USP50: variants seen among roughly 807,000 people sequenced by gnomAD.
The protein encoded by USP50 is ubiquitin specific peptidase 50.
In USP50, 37 loss-of-function variants were observed where a neutral mutation model predicts 39.2. That is an observed-to-expected ratio of 0.94 (90% CI 0.73 to 1.24). The LOEUF is 1.24. Ranked by LOEUF, USP50 falls within the 50% of genes most tolerant of loss-of-function variation. USP50 has a pLI of 0.00. For missense variants in USP50, 374 were observed against 398.2 expected, an observed-to-expected ratio of 0.94 and a Z score of 0.52; for synonymous variants, 139 against 144.5, an observed-to-expected ratio of 0.96 and a Z score of 0.27.
rs9989268 is a variant in USP50 at position 50,536,031 on chromosome 15, A to C, written c.803+2678T>G. ...ATAATCTACAGTAACATCATACTTA[A>C]TGGTGAGTAACTAGAAGCTTTCCCA... On this transcript the variant is annotated intron_variant, in intron 5 of 6. Transcript: ENST00000532404. Among the ~76,000 whole-genome samples the C allele has an allele frequency of 4.6e-3, 708 of 152,350 alleles. 4 individuals are homozygous for C. The highest frequency in any genetic ancestry group is 0.017 in the African/African-American group (688 of 41,578).
intron 4 of USP50, 47 bp downstream of exon 4, chr15:50,541,002 G>T: frequency 6.9e-7 from 1 of 1,451,928 alleles, no homozygotes; most frequent in Non-Finnish European, 9.6e-7. Flanking sequence ...AAAATCCGGG[G>T]CTGAGAGTAT....
At chr15:50,502,335 T>G (rs539689714) in intron 6 of USP50, 1 of 152,190 alleles carries the variant, frequency 6.6e-6, no homozygotes, top group Non-Finnish European at 1.5e-5. Context: ...GGTCTCGATC[T>G]CGACCTCGGG....
At chr15:50,530,005 TA>T in intron 5 of USP50, 76 bp from the exon 6 acceptor site, 1 of 1,577,944 alleles carries the variant, frequency 6.3e-7, no homozygotes, top group Non-Finnish European at 8.6e-7. Flanking sequence ...AAATTCCGAG[TA>T]TTTTAAAAGT....
chr15:50,538,119 C>CA (rs1316999717), intron 5 of USP50, among the ~76,000 whole-genome samples: 3 of 147,256 alleles, frequency 2.0e-5, no homozygotes, highest in South Asian at 2.2e-4. Context: ...ACCAAAAATA[C>CA]AAAAAAAATT....
chr15:50,546,423 C>T (rs1196205309), intron 1 of USP50, 50 bp downstream of exon 1: 3 of 1,605,310 alleles, frequency 1.9e-6, no homozygotes, highest in African/African-American at 2.7e-5. Flanking sequence ...CTGAGCTTGA[C>T]TTTCCCACCA....
At chr15:50,527,415 G>A (rs2052907133) in intron 6 of USP50, among the ~76,000 whole-genome samples, 1 of 151,756 alleles carries the variant, frequency 6.6e-6, no homozygotes. Context: ...CACCATGTTG[G>A]TCAGGATGGT....
At chr15:50,518,015 A>G (rs888443001) in intron 6 of USP50, among the ~76,000 whole-genome samples, 8 of 152,190 alleles carry the variant, frequency 5.3e-5, no homozygotes, top group African/African-American at 1.9e-4. Context: ...AAGCAGTTCT[A>G]AGAGGGAAAT....
intron 6 of USP50, among the ~76,000 whole-genome samples, chr15:50,522,873 CCTAA>C (rs1421361267): frequency 6.6e-6 from 1 of 152,046 alleles, no homozygotes; most frequent in Non-Finnish European, 1.5e-5. Flanking sequence ...GTCTCGAACT[CCTAA>C]CCTCAAGTGA....
chr15:50,512,704 A>C (rs1319999361), intron 6 of USP50: 1 of 151,962 alleles, frequency 6.6e-6, no homozygotes, highest in Non-Finnish European at 1.5e-5. Flanking sequence ...GGGCATGAGA[A>C]TCATTTGAAA....
At chr15:50,501,010 T>C (rs1447886061) in intron 6 of USP50, 173 bp from the exon 7 acceptor site, 1 of 575,124 alleles carries the variant, frequency 1.7e-6, no homozygotes, top group Non-Finnish European at 3.1e-6. Flanking sequence ...TTGCTTCTCA[T>C]TTCATTGTAA....
At chr15:50,541,374 ATGGTGG>A in intron 3 of USP50, 110 bp from the exon 4 acceptor site, 1 of 819,400 alleles carries the variant, frequency 1.2e-6, no homozygotes, top group East Asian at 2.6e-5. Context: ...TTAGCTAGGC[ATGGTGG>A]CACACATCTG....
intron 6 of USP50, among the ~76,000 whole-genome samples, chr15:50,525,544 ATGTATATATG>A (rs1200556772): frequency 8.5e-6 from 1 of 118,064 alleles, no homozygotes; most frequent in Non-Finnish European, 1.8e-5. Context: ...ATATGTATAT[ATGTATATATG>A]TGTATATATG....
chr15:50,493,182 C>T (rs2052245340), downstream of USP50: 1 of 542,638 alleles, frequency 1.8e-6, no homozygotes, highest in Admixed American at 2.3e-5. Flanking sequence ...CTAAACGGCA[C>T]CTAATCCTGT....
At chr15:50,537,234 C>T (rs1383893760) in intron 5 of USP50, among the ~76,000 whole-genome samples, 2 of 144,738 alleles carry the variant, frequency 1.4e-5, no homozygotes, top group South Asian at 2.2e-4. Context: ...TGGATATCCA[C>T]GCGAAAAAAA....
intron 6 of USP50, among the ~76,000 whole-genome samples, chr15:50,527,465 C>A: frequency 6.6e-6 from 1 of 151,762 alleles, no homozygotes; most frequent in East Asian, 1.9e-4. Flanking sequence ...CCTCAGCCTC[C>A]CAAAGTGCTG....
chr15:50,519,676 C>T (rs541297218), intron 6 of USP50, among the ~76,000 whole-genome samples: 38 of 152,058 alleles, frequency 2.5e-4, no homozygotes, highest in Middle Eastern at 3.4e-3. Context: ...GATAGTGCCA[C>T]TGCAGTCCAG....
intron 4 of USP50, among the ~76,000 whole-genome samples, chr15:50,540,559 A>C (rs76242517): frequency 0.014 from 2,097 of 152,168 alleles, 59 homozygotes; most frequent in African/African-American, 0.049. Context: ...AATTCCTAGG[A>C]ACTTTTGGCC....
At chr15:50,530,601 A>T (rs983427556) in intron 5 of USP50, among the ~76,000 whole-genome samples, 1 of 152,154 alleles carries the variant, frequency 6.6e-6, no homozygotes, top group Non-Finnish European at 1.5e-5. Context: ...AAAAATAAAA[A>T]AAAAAAGTAA....
At chr15:50,495,489 G>C (rs562538972) in intron 1 of USP50, among the ~76,000 whole-genome samples, 3 of 147,346 alleles carry the variant, frequency 2.0e-5, no homozygotes, top group East Asian at 4.0e-4. Flanking sequence ...AGATTGGAGG[G>C]GGGGGTCTCA....
Sources: allele counts gnomAD v4.1 joint callset (sites outside exome capture counted in the v4.1 genomes callset), GRCh38; gene constraint gnomAD v4.1.1; transcripts MANE v1.5; gene names NCBI Gene and HGNC (gene_info 2026-07-23, HGNC 2026-07-21).